SLC12A7: variants seen among roughly 807,000 people sequenced by gnomAD.
SLC12A7 encodes the protein K-Cl cotransporter 4.
A neutral mutation model predicts 120.6 loss-of-function variants in SLC12A7; 100 were observed. The ratio of observed to expected loss-of-function variants is 0.83; its 90% CI spans 0.71 to 0.98. The LOEUF is 0.98. SLC12A7 is among the 50% of genes least tolerant of loss of function. The probability of loss-of-function intolerance (pLI) is 0.00; values close to 1 mark genes in which losing one functional copy is unlikely to be tolerated. For synonymous variants in SLC12A7, 760 were observed against 678.0 expected, an observed-to-expected ratio of 1.12 and a Z score of -1.88; for missense variants, 1,373 against 1,548.1, an observed-to-expected ratio of 0.89 and a Z score of 1.90.
rs1427878799 is a variant in SLC12A7, at chr5:1,112,028, C to T, written c.-37G>A. On this transcript the variant is annotated 5_prime_UTR_variant, in exon 1 of 24. Coordinates refer to ENST00000264930, the MANE Select transcript of SLC12A7 (RefSeq NM_006598.3). ...GCCGACAGTCCCCGTCCCGGCCCGG[C>T]CCGCGCTGCGCCGCTCCCGCCGACG... 7.3e-6 allele frequency: 9 copies of T among 1,236,314 alleles called. No homozygotes were observed. The highest frequency in any genetic ancestry group is 9.1e-6 in the Non-Finnish European group (9 of 988,084). 76.6% of individuals were successfully genotyped at this position (1,236,314 alleles called of 1,614,324 possible).
chr5:1,116,799 C>T (rs920965375), upstream of SLC12A7, among the ~76,000 whole-genome samples: 3 of 152,132 alleles, frequency 2.0e-5, no homozygotes, highest in Non-Finnish European at 4.4e-5. Flanking sequence ...ACCCACCCCC[C>T]GCCAGCTCTC....
chr5:1,133,684 C>T, the SLC12A7 span, among the ~76,000 whole-genome samples: 243 of 152,262 alleles, frequency 1.6e-3, 2 homozygotes, highest in African/African-American at 5.4e-3. Flanking sequence ...GCTGGACGTG[C>T]GCCCCTCGGT....
rs771277877 is a variant in SLC12A7 at position 1,073,609 on chromosome 5, GC to G, written c.2241+23del. On this transcript the variant is annotated intron_variant, in intron 17 of 23. Coordinates refer to ENST00000264930, the MANE Select transcript of SLC12A7 (RefSeq NM_006598.3). ...GCAGCTGGGGTGGGAAAGAGGCCTG[GC>G]CCCCAGACCCCGCCCGGCCCACCTC... 5.1e-6 allele frequency: 8 copies of G among 1,583,538 alleles called. No individual in the cohort carries two copies. The Admixed American group carries it at 5.6e-5, about 11-fold the overall frequency.
rs551112970 is a variant in SLC12A7 at position 1,107,162 on chromosome 5, C to T, written c.124+4706G>A. On this transcript the variant is annotated intron_variant, in intron 1 of 23. Transcript: ENST00000264930. ...TCTTTCTTTCTTCCCCTAATACTCA[C>T]GCTTTACTCTCTGAATATTCAAGTT... Among the ~76,000 whole-genome samples, 25 of 152,306 alleles carry T rather than the reference C, an allele frequency of 1.6e-4. No homozygotes were observed. The Middle Eastern group carries it at 0.01, about 63-fold the overall frequency.
rs555900198 is a variant in SLC12A7, at chr5:1,064,177, T to G, written c.2513A>C (p.Gln838Pro). The G allele has an allele frequency of 6.2e-7, 1 of 1,612,344 alleles. No individual in the cohort carries two copies. Among genetic ancestry groups the G allele is most frequent in the Admixed American group, 1.7e-5 (1 of 59,998 alleles). The stretch of plus-strand genomic sequence containing the variant: ...GATGTGGCCCCCGCCGAAGCGCTCC[T>G]GGTTTTGCGGAAACGAGTCGACGTT... ...AKNVDSFPQN[Q>P]ERFGGGHIDV... The change falls in exon 19 of 24, where the codon CAG becomes CCG. Residue 838 changes from glutamine (Q) to proline (P), a missense_variant. Transcript: ENST00000264930.
the SLC12A7 span, among the ~76,000 whole-genome samples, chr5:1,139,902 T>G: frequency 1.3e-5 from 2 of 152,184 alleles, no homozygotes; most frequent in Admixed American, 1.3e-4. Flanking sequence ...CCAAACGGCG[T>G]TTCCGGATGC....
intron 16 of SLC12A7, 32 bp from the exon 17 acceptor site, chr5:1,073,833 G>A: frequency 7.2e-7 from 1 of 1,383,126 alleles, no homozygotes. Flanking sequence ...TGTTACCACG[G>A]CAACGCTTAC....
rs1470667295 is a variant in SLC12A7, at chr5:1,093,523, G to A, written c.342+10C>T. On this transcript the variant is annotated intron_variant, in intron 3 of 23. Transcript: ENST00000264930. ...CGGGGACTGGGCGGGCACGGGCAGGGTGGCAGTACCTTGGCCTCCCGCCGC... is the reference window on the plus strand; with the variant it reads ...CGGGGACTGGGCGGGCACGGGCAGGATGGCAGTACCTTGGCCTCCCGCCGC... 2 of 1,589,174 alleles carry A rather than the reference G, an allele frequency of 1.3e-6. No individual in the cohort carries two copies. Among genetic ancestry groups the A allele is most frequent in the Non-Finnish European group, 1.7e-6 (2 of 1,169,460 alleles).
the SLC12A7 span, among the ~76,000 whole-genome samples, chr5:1,147,580 C>T: frequency 6.6e-6 from 1 of 152,158 alleles, no homozygotes; most frequent in African/African-American, 2.4e-5. Flanking sequence ...CCACCCACTG[C>T]AAGCCTTCAC....
chr5:1,085,186 G>A (rs374932211), intron 7 of SLC12A7, 46 bp downstream of exon 7: 4 of 1,598,834 alleles, frequency 2.5e-6, no homozygotes, highest in Non-Finnish European at 2.6e-6. Context: ...ATGGGACCTG[G>A]CCCCAGCCCC....
chr5:1,137,569 G>A, the SLC12A7 span, among the ~76,000 whole-genome samples: 348 of 152,142 alleles, frequency 2.3e-3, 1 homozygote, highest in Middle Eastern at 0.02. Context: ...CAGACCCCCC[G>A]AGCAGGCACT....
rs1479340296 is a variant in SLC12A7 at position 1,077,802 on chromosome 5, A to T, written c.1629+31T>A. ...GGAGAGCCCCCGACCCTGACCTTCC[A>T]GGGTCCCCCCGACGAGGGTGCGGGA... On this transcript the variant is annotated intron_variant, in intron 12 of 23. Coordinates refer to ENST00000264930, the MANE Select transcript of SLC12A7 (RefSeq NM_006598.3). The T allele has an allele frequency of 3.3e-6, 5 of 1,536,894 alleles. No homozygotes were observed. In the East Asian group the frequency reaches 1.2e-4, roughly 37 times the overall value.
chr5:1,067,368 A>C (rs3789198), intron 17 of SLC12A7, among the ~76,000 whole-genome samples: 70,661 of 152,092 alleles, frequency 0.46, 16,887 homozygotes, highest in East Asian at 0.57. Context: ...ACAGGGAAGC[A>C]CCCGCATCGG....
Position 1,073,478 on chromosome 5 carries a change from C to T in SLC12A7, c.2241+155G>A, listed in dbSNP as rs181955767. Among the ~76,000 whole-genome samples the T allele has an allele frequency of 1.7e-3, 262 of 152,370 alleles. 1 individual carries two copies. The highest frequency in any genetic ancestry group is 5.4e-3 in the African/African-American group (223 of 41,596). ...CGGCTGGTGCTCCCAGGCCTTAGCG[C>T]GCTGCTCTGAGCTCAAAGCCACCGC... On this transcript the variant is annotated intron_variant, in intron 17 of 23. Coordinates refer to ENST00000264930, the MANE Select transcript of SLC12A7 (RefSeq NM_006598.3).
chr5:1,141,180 C>G, the SLC12A7 span, among the ~76,000 whole-genome samples: 1 of 152,224 alleles, frequency 6.6e-6, no homozygotes, highest in Non-Finnish European at 1.5e-5. Context: ...CCCAGCTTCT[C>G]CCTGTGTCTC....
At position 1,077,923 on chromosome 5, in the gene SLC12A7, G is replaced by A. The variant is rs1401631332; in HGVS notation, c.1539C>T (p.Phe513=). The A allele has an allele frequency of 6.2e-7, 1 of 1,601,426 alleles. No individual in the cohort carries two copies. The highest frequency in any genetic ancestry group is 2.3e-5 in the East Asian group (1 of 44,204). The change falls in exon 12 of 24, where the codon TTC becomes TTT. Residue 513 remains phenylalanine, a synonymous_variant. Transcript: ENST00000264930. ...SPWVIVIGSF[F]STCGAGLQSL... The stretch of plus-strand genomic sequence containing the variant: ...TCTGCAGGCCGGCACCGCAGGTGGA[G>A]AAGAAGGAGCCGATGACGATGACCC...
chr5:1,152,787 C>T, the SLC12A7 span, among the ~76,000 whole-genome samples: 35 of 152,194 alleles, frequency 2.3e-4, no homozygotes, highest in South Asian at 4.2e-4. Context: ...GAGGGATGAC[C>T]GACACGGGGG....
chr5:1,081,546 G>A (rs1167995282), intron 9 of SLC12A7, 31 bp downstream of exon 9: 2 of 1,585,046 alleles, frequency 1.3e-6, no homozygotes, highest in Non-Finnish European at 1.7e-6. Flanking sequence ...GAGAAAGAAA[G>A]AGAAGGGGAA....
chr5:1,101,672 C>T (rs1742033343), intron 1 of SLC12A7, among the ~76,000 whole-genome samples: 2 of 152,188 alleles, frequency 1.3e-5, no homozygotes, highest in Non-Finnish European at 2.9e-5. Flanking sequence ...AGCAAGTGGG[C>T]AGACACCCTG....
Sources: allele counts gnomAD v4.1 joint callset (sites outside exome capture counted in the v4.1 genomes callset), GRCh38; gene constraint gnomAD v4.1.1; transcripts MANE v1.5; gene names NCBI Gene and HGNC (gene_info 2026-07-23, HGNC 2026-07-21).